Variants in SNTG1 observed in about 807,000 individuals in gnomAD.
The protein encoded by SNTG1 is syntrophin gamma 1.
In SNTG1, 39 loss-of-function variants were observed where a neutral mutation model predicts 74.7. That is an observed-to-expected ratio of 0.52 (90% CI 0.40 to 0.68). The LOEUF (loss-of-function observed/expected upper bound fraction) is 0.68, where lower values mean the gene tolerates loss of function less well. SNTG1 is among the 30% of genes least tolerant of loss of function. The probability of loss-of-function intolerance (pLI) is 0.00; values close to 1 mark genes in which losing one functional copy is unlikely to be tolerated. For missense variants in SNTG1, 685 were observed against 609.5 expected, an observed-to-expected ratio of 1.12 and a Z score of -1.30; for synonymous variants, 254 against 217.1, an observed-to-expected ratio of 1.17 and a Z score of -1.49.
chr8:50,671,708 G>A (rs1369382658), intron 15 of SNTG1, among the ~76,000 whole-genome samples: 1 of 151,368 alleles, frequency 6.6e-6, no homozygotes, highest in Non-Finnish European at 1.5e-5. Flanking sequence ...ATACCCAAAG[G>A]ACTATAAATC....
At chr8:50,157,755 G>T (rs1415875000) in intron 1 of SNTG1, among the ~76,000 whole-genome samples, 1 of 152,070 alleles carries the variant, frequency 6.6e-6, no homozygotes, top group African/African-American at 2.4e-5. Context: ...AGCTTCTTGA[G>T]ATTGCTACTG....
chr8:50,674,303 C>T (rs1456127211), intron 15 of SNTG1, among the ~76,000 whole-genome samples: 5 of 152,004 alleles, frequency 3.3e-5, no homozygotes, highest in Non-Finnish European at 7.4e-5. Flanking sequence ...TTTCCCTGGT[C>T]CTGGGCTTTT....
At chr8:50,689,464 T>A (rs2095367797) in intron 15 of SNTG1, among the ~76,000 whole-genome samples, 1 of 152,190 alleles carries the variant, frequency 6.6e-6, no homozygotes, top group Non-Finnish European at 1.5e-5. Context: ...TGAAGCGTTG[T>A]TGAATTTTGT....
At chr8:50,620,620 G>A (rs1046777671) in intron 13 of SNTG1, among the ~76,000 whole-genome samples, 8 of 152,126 alleles carry the variant, frequency 5.3e-5, no homozygotes, top group Non-Finnish European at 1.0e-4. Context: ...GCACTTCCAC[G>A]TTATCATCTA....
At chr8:50,417,061 G>A (rs1271097232) in intron 4 of SNTG1, among the ~76,000 whole-genome samples, 2 of 151,956 alleles carry the variant, frequency 1.3e-5, no homozygotes. Flanking sequence ...AATTCTAGGT[G>A]GTTTTAAACC....
intron 2 of SNTG1, among the ~76,000 whole-genome samples, chr8:50,350,930 G>T (rs543209746): frequency 6.6e-6 from 1 of 152,326 alleles, no homozygotes; most frequent in East Asian, 1.9e-4. Flanking sequence ...GTGGCAACCC[G>T]TAGGTCCCCT....
intron 2 of SNTG1, among the ~76,000 whole-genome samples, chr8:50,185,555 T>C (rs1382741943): frequency 6.6e-6 from 1 of 152,148 alleles, no homozygotes; most frequent in Non-Finnish European, 1.5e-5. Context: ...CTGAGTAAGT[T>C]CCCACATAGA....
chr8:50,164,802 C>G lies in SNTG1; in HGVS notation c.-102-7759C>G, dbSNP rs534704685. On this transcript the variant is annotated intron_variant, in intron 1 of 18. Transcript: ENST00000642720. ...AAAATATTATCTCCAACTATGAATT[C>G]TACTGTTAAATACTTATTATGCTCC... Among the ~76,000 whole-genome samples, 3 of 152,138 alleles carry G rather than the reference C, an allele frequency of 2.0e-5. No homozygotes were observed. In the East Asian group the frequency reaches 5.8e-4, roughly 29 times the overall value.
chr8:50,608,079 C>T (rs868662058), intron 13 of SNTG1, among the ~76,000 whole-genome samples: 15 of 151,714 alleles, frequency 9.9e-5, no homozygotes, highest in African/African-American at 2.9e-4. Context: ...ACATATTTCA[C>T]GTGATTACAA....
chr8:50,377,001 C>T (rs952892310), intron 2 of SNTG1, among the ~76,000 whole-genome samples: 1 of 152,040 alleles, frequency 6.6e-6, no homozygotes, highest in Non-Finnish European at 1.5e-5. Context: ...TGTTCCCAGA[C>T]TCCGGCTCCT....
chr8:50,305,794 G>A (rs1274285284), intron 2 of SNTG1, among the ~76,000 whole-genome samples: 2 of 151,416 alleles, frequency 1.3e-5, no homozygotes, highest in African/African-American at 2.4e-5. Context: ...GTAATATCTG[G>A]ATTAAGAAAT....
At chr8:50,493,967 G>A (rs2093881397) in intron 8 of SNTG1, among the ~76,000 whole-genome samples, 1 of 151,712 alleles carries the variant, frequency 6.6e-6, no homozygotes, top group Non-Finnish European at 1.5e-5. Flanking sequence ...ATTAAAGAGA[G>A]CCCTAAGTTG....
chr8:50,316,071 G>A (rs2090308077), intron 2 of SNTG1, among the ~76,000 whole-genome samples: 1 of 152,030 alleles, frequency 6.6e-6, no homozygotes, highest in South Asian at 2.1e-4. Context: ...CATGTGACAT[G>A]GTAATTTAAT....
At chr8:50,295,252 A>G (rs949816684) in intron 2 of SNTG1, among the ~76,000 whole-genome samples, 3 of 152,232 alleles carry the variant, frequency 2.0e-5, no homozygotes, top group Admixed American at 2.0e-4. Context: ...CACTGTAAAC[A>G]GATAGAACTA....
intron 2 of SNTG1, among the ~76,000 whole-genome samples, chr8:50,260,102 A>G (rs1397193060): frequency 1.3e-5 from 2 of 152,200 alleles, no homozygotes; most frequent in Admixed American, 6.5e-5. Context: ...CACCTGGGAC[A>G]TTCTGTTCTT....
At chr8:50,336,221 A>G (rs1254198256) in intron 2 of SNTG1, among the ~76,000 whole-genome samples, 1 of 152,186 alleles carries the variant, frequency 6.6e-6, no homozygotes, top group Admixed American at 6.5e-5. Flanking sequence ...AAGAATTTGG[A>G]GACCATAGAG....
chr8:50,184,991 C>T (rs1197521885), intron 2 of SNTG1, among the ~76,000 whole-genome samples: 2 of 152,054 alleles, frequency 1.3e-5, no homozygotes, highest in African/African-American at 4.8e-5. Context: ...TCTTCTTATT[C>T]AAGGTTATAC....
intron 1 of SNTG1, among the ~76,000 whole-genome samples, chr8:49,966,162 TAG>T (rs1170497815): frequency 2.6e-5 from 4 of 152,164 alleles, no homozygotes; most frequent in African/African-American, 9.7e-5. Flanking sequence ...GAGAAAAAAA[TAG>T]AGTTTGGAGC....
rs531981601 is a variant in SNTG1, at chr8:50,509,239, A to G, written c.466+6359A>G. On this transcript the variant is annotated intron_variant, in intron 9 of 18. Transcript: ENST00000642720. ...AAAGATCAGATAGTTGTAGATATGC[A>G]GCATTATTTCTGAGGGCTCTGTTCT... Among the ~76,000 whole-genome samples, 5 of 152,182 alleles carry G rather than the reference A, an allele frequency of 3.3e-5. No individual in the cohort carries two copies. In the East Asian group the frequency reaches 7.7e-4, roughly 24 times the overall value.
Sources: gnomAD v4.1 joint callset for allele counts (sites outside exome capture counted in the v4.1 genomes callset) on GRCh38, gnomAD v4.1.1 for gene constraint, MANE v1.5 for transcripts, NCBI Gene and HGNC (gene_info 2026-07-23, HGNC 2026-07-21) for gene names.